The following TNNI3K variants were observed in gnomAD, a reference collection of about 807,000 sequenced individuals.
TNNI3K encodes the protein TNNI3 interacting kinase, also known as serine/threonine-protein kinase TNNI3K.
A neutral mutation model predicts 114.5 loss-of-function variants in TNNI3K; 140 were observed. That is an observed-to-expected ratio of 1.22 (90% CI 1.07 to 1.41). The LOEUF (loss-of-function observed/expected upper bound fraction) is 1.41, where lower values mean the gene tolerates loss of function less well. TNNI3K is among the 40% of genes most tolerant of loss of function. The pLI is 0.00. For missense variants in TNNI3K, 1,125 were observed against 1,007.6 expected, an observed-to-expected ratio of 1.12 and a Z score of -1.58; for synonymous variants, 347 against 347.5, an observed-to-expected ratio of 1.00 and a Z score of 0.02.
At chr1:74,489,420 A>G (rs1447992073) in intron 22 of TNNI3K, among the ~76,000 whole-genome samples, 172 bp downstream of exon 22, 2 of 152,218 alleles carry the variant, frequency 1.3e-5, no homozygotes, top group East Asian at 1.9e-4. Context: ...AGCTGTATCT[A>G]CAGGGACAAA....
intron 17 of TNNI3K, among the ~76,000 whole-genome samples, chr1:74,434,185 A>T (rs563680783): frequency 6.6e-6 from 1 of 152,160 alleles, no homozygotes; most frequent in African/African-American, 2.4e-5. Flanking sequence ...TCAAGTCCAG[A>T]ATTGTTCTCT....
intron 23 of TNNI3K, among the ~76,000 whole-genome samples, chr1:74,493,025 C>A (rs1669156069): frequency 6.6e-6 from 1 of 152,094 alleles, no homozygotes; most frequent in African/African-American, 2.4e-5. Flanking sequence ...TCTACTGGAT[C>A]AGGGCTTTAC....
intron 5 of TNNI3K, among the ~76,000 whole-genome samples, chr1:74,326,704 T>G (rs1659924501): frequency 6.6e-6 from 1 of 152,178 alleles, no homozygotes; most frequent in African/African-American, 2.4e-5. Context: ...AAGTGATTAA[T>G]ACAATGACCT....
intron 24 of TNNI3K, chr1:74,541,543 C>A (rs1646726929): frequency 6.6e-6 from 1 of 152,144 alleles, no homozygotes; most frequent in Non-Finnish European, 1.5e-5. Context: ...ACAGATGTAA[C>A]TTCATAAACA....
chr1:74,350,790 C>T (rs562014722), intron 9 of TNNI3K, among the ~76,000 whole-genome samples: 1 of 152,126 alleles, frequency 6.6e-6, no homozygotes, highest in African/African-American at 2.4e-5. Flanking sequence ...GATTGCAACC[C>T]CTGCCTTTTT....
intron 5 of TNNI3K, among the ~76,000 whole-genome samples, chr1:74,280,391 AT>A (rs139566288): frequency 0.13 from 19,537 of 150,404 alleles, 1,313 homozygotes; most frequent in South Asian, 0.22. Flanking sequence ...CAAAAAAAAA[AT>A]AAAATAAAAT....
intron 23 of TNNI3K, among the ~76,000 whole-genome samples, chr1:74,517,130 C>G (rs532010075): frequency 2.2e-4 from 34 of 152,190 alleles, no homozygotes; most frequent in African/African-American, 7.2e-4. Context: ...ATGTATTACA[C>G]AAATCATTCT....
chr1:74,483,637 G>A (rs1370549373), intron 21 of TNNI3K, among the ~76,000 whole-genome samples: 1 of 152,140 alleles, frequency 6.6e-6, no homozygotes, highest in Admixed American at 6.5e-5. Flanking sequence ...AAGTTACTTT[G>A]CAAAACAATG....
At chr1:74,543,055 TC>T (rs369967123) in intron 24 of TNNI3K, among the ~76,000 whole-genome samples, 1 of 141,394 alleles carries the variant, frequency 7.1e-6, no homozygotes, top group Non-Finnish European at 1.5e-5. Context: ...CTTTTCTTTT[TC>T]TTTTTCCCTT....
At chr1:74,407,111 C>CA (rs1464544775) in intron 17 of TNNI3K, among the ~76,000 whole-genome samples, 1 of 152,104 alleles carries the variant, frequency 6.6e-6, no homozygotes, top group Non-Finnish European at 1.5e-5. Flanking sequence ...TCAACAAAGC[C>CA]AAAGTTAATA....
intron 20 of TNNI3K, among the ~76,000 whole-genome samples, chr1:74,451,709 T>TTCTC (rs1667024182): frequency 1.3e-5 from 1 of 76,384 alleles, no homozygotes; most frequent in African/African-American, 5.4e-5. Flanking sequence ...CTTTCTTTCT[T>TTCTC]TCTTTCTTTC....
chr1:74,407,957 C>T (rs571594635), intron 17 of TNNI3K, among the ~76,000 whole-genome samples: 3 of 152,254 alleles, frequency 2.0e-5, no homozygotes, highest in East Asian at 1.9e-4. Flanking sequence ...CATAATGTCA[C>T]TCGTCCTCAT....
intron 23 of TNNI3K, among the ~76,000 whole-genome samples, chr1:74,521,042 T>C (rs865834028): frequency 4.6e-5 from 7 of 152,180 alleles, no homozygotes; most frequent in Non-Finnish European, 1.0e-4. Flanking sequence ...TTGCCCTGAC[T>C]GGACAGAGTG....
In TNNI3K at chr1:74,486,660, CA is replaced by C; in HGVS notation, c.2122-2528del. 4.0e-5 allele frequency among the ~76,000 whole-genome samples: 6 copies of C among 151,580 alleles called. No individual in the cohort carries two copies. The South Asian group carries it at 1.3e-3, about 32-fold the overall frequency. On this transcript the variant is annotated intron_variant, in intron 21 of 24. Transcript: ENST00000326637. ...TAATCTGGAAGTTGTTTTTTAAAGA[CA>C]TAAGACTGAATTAACTCCTCAACAA...
At chr1:74,285,900 C>T (rs1657303109) in intron 5 of TNNI3K, among the ~76,000 whole-genome samples, 1 of 152,042 alleles carries the variant, frequency 6.6e-6, no homozygotes, top group South Asian at 2.1e-4. Context: ...AGTATCACAG[C>T]CTTAAAAAAA....
chr1:74,290,940 C>G (rs1003301325), intron 5 of TNNI3K, among the ~76,000 whole-genome samples: 5 of 151,732 alleles, frequency 3.3e-5, no homozygotes, highest in Non-Finnish European at 7.4e-5. Flanking sequence ...AAAAATACAG[C>G]AGACAGCTTC....
intron 17 of TNNI3K, among the ~76,000 whole-genome samples, chr1:74,430,918 C>T (rs1010802357): frequency 6.6e-6 from 1 of 152,070 alleles, no homozygotes; most frequent in Non-Finnish European, 1.5e-5. Context: ...TTGAAATATT[C>T]CACAGTAAAG....
chr1:74,358,941 A>G (rs1278047221), intron 11 of TNNI3K, among the ~76,000 whole-genome samples: 2 of 152,000 alleles, frequency 1.3e-5, no homozygotes, highest in African/African-American at 2.4e-5. Context: ...ATATATATGT[A>G]TATATAATTT....
chr1:74,436,214 G>T, intron 18 of TNNI3K, 82 bp downstream of exon 18: 1 of 1,524,204 alleles, frequency 6.6e-7, no homozygotes, highest in Non-Finnish European at 9.0e-7. Context: ...CCATGAAACT[G>T]AACACTGAAC....
Sources: allele counts gnomAD v4.1 joint callset (sites outside exome capture counted in the v4.1 genomes callset), GRCh38; gene constraint gnomAD v4.1.1; transcripts MANE v1.5; gene names NCBI Gene and HGNC (gene_info 2026-07-23, HGNC 2026-07-21).